The following IGDCC4 variants were observed in gnomAD, a reference collection of about 807,000 sequenced individuals.
IGDCC4 encodes the protein immunoglobulin superfamily DCC subclass member 4.
A neutral mutation model predicts 116.6 loss-of-function variants in IGDCC4; 72 were observed. The observed-to-expected ratio is 0.62, with a 90% CI of 0.51 to 0.75. IGDCC4 has a LOEUF of 0.75. IGDCC4 is among the 30% of genes least tolerant of loss of function. The pLI is 0.00. For missense variants in IGDCC4, 1,501 were observed against 1,662.4 expected, an observed-to-expected ratio of 0.90 and a Z score of 1.69; for synonymous variants, 709 against 719.9, an observed-to-expected ratio of 0.98 and a Z score of 0.24.
intron 5 of IGDCC4, among the ~76,000 whole-genome samples, chr15:65,397,437 C>T (rs1330215453): frequency 1.3e-5 from 2 of 152,204 alleles, no homozygotes; most frequent in Non-Finnish European, 2.9e-5. Flanking sequence ...TTAAAAAGCC[C>T]TTGCCTTGTA....
chr15:65,421,718 A>T (rs2063192679), intron 1 of IGDCC4, among the ~76,000 whole-genome samples: 1 of 122,884 alleles, frequency 8.1e-6, no homozygotes, highest in South Asian at 2.9e-4. Flanking sequence ...CCCCGGACAC[A>T]TCCTCAGCTC....
intron 8 of IGDCC4, among the ~76,000 whole-genome samples, 200 bp from the exon 9 acceptor site, chr15:65,394,748 A>T (rs1256388065): frequency 6.6e-6 from 1 of 152,102 alleles, no homozygotes; most frequent in African/African-American, 2.4e-5. Context: ...AGCTGGAAAA[A>T]GTCTTGGAGC....
chr15:65,385,065 G>T lies in IGDCC4; in HGVS notation c.3231C>A (p.Gly1077=), dbSNP rs1409617618. The T allele has an allele frequency of 6.2e-7, 1 of 1,603,140 alleles. No homozygotes were observed. The highest frequency in any genetic ancestry group is 1.7e-5 in the Admixed American group (1 of 57,966). The change falls in exon 19 of 20, where the codon GGC becomes GGA. Residue 1077 remains glycine, a synonymous_variant. Coordinates refer to ENST00000352385, the MANE Select transcript of IGDCC4 (RefSeq NM_020962.3). Reference sequence around the variant, plus strand: ...GGGGGCCTGCCTGGGGCAGCTCACAGCCTGCCCAGGAACCAGCCCAGCTCA... The same window carrying T: ...GGGGGCCTGCCTGGGGCAGCTCACATCCTGCCCAGGAACCAGCCCAGCTCA... ...SGLSWAGSWA[G]CELPQAGPRP... is the part of the protein sequence containing the mutation.
At position 65,385,855 on chromosome 15, in the gene IGDCC4, T is replaced by A; in HGVS notation, c.3156A>T (p.Glu1052Asp). ...CCTTTCTTTTGGAGTGACTCCGGCC[T>A]TCAGAAACACCGCCACCCATAAGGC... Reference protein sequence around the residue: ...VHSLMGGGVSEGRSHSKRKIS... With the variant: ...VHSLMGGGVSDGRSHSKRKIS... The change falls in exon 18 of 20, where the codon GAA becomes GAT. Residue 1052 changes from glutamate (E) to aspartate (D), a missense_variant. Glu to Asp is a conservative substitution (Grantham distance 45, BLOSUM62 2). Around this residue, in one of 3 missense-constraint regions of IGDCC4, gnomAD observed 368 missense variants for 355.6 expected, o/e 1.03. Coordinates refer to ENST00000352385, the MANE Select transcript of IGDCC4 (RefSeq NM_020962.3). 2 of 1,612,684 alleles carry A rather than the reference T, an allele frequency of 1.2e-6. No homozygotes were observed. Among genetic ancestry groups the A allele is most frequent in the Non-Finnish European group, 1.7e-6 (2 of 1,179,982 alleles).
intron 3 of IGDCC4, among the ~76,000 whole-genome samples, chr15:65,408,059 C>T (rs879397105): frequency 1.6e-4 from 25 of 152,272 alleles, no homozygotes; most frequent in African/African-American, 5.5e-4. Context: ...TGAGTCACCG[C>T]GCCCAGCCAT....
At chr15:65,412,937 C>CT (rs1251894286) in intron 1 of IGDCC4, among the ~76,000 whole-genome samples, 1 of 142,010 alleles carries the variant, frequency 7.0e-6, no homozygotes, top group Non-Finnish European at 1.5e-5. Context: ...CTCTCTCTCT[C>CT]TCTCTGTACA....
chr15:65,392,902 C>T (rs1003400151), intron 10 of IGDCC4, among the ~76,000 whole-genome samples: 4 of 152,112 alleles, frequency 2.6e-5, no homozygotes, highest in Non-Finnish European at 4.4e-5. Context: ...CTACAACCTT[C>T]GCTTTACAGA....
At chr15:65,395,446 A>T (rs759577130) in intron 7 of IGDCC4, among the ~76,000 whole-genome samples, 188 bp from the exon 8 acceptor site, 4 of 152,072 alleles carry the variant, frequency 2.6e-5, no homozygotes, top group Non-Finnish European at 5.9e-5. Context: ...TCCACTGGTT[A>T]GGGAGTGCTT....
chr15:65,400,676 A>G, intron 5 of IGDCC4, 130 bp downstream of exon 5: 2 of 1,144,788 alleles, frequency 1.7e-6, no homozygotes, highest in Non-Finnish European at 2.4e-6. Context: ...GCCCTGGGAA[A>G]GGAGTTCGTG....
intron 3 of IGDCC4, among the ~76,000 whole-genome samples, chr15:65,408,830 G>GTC (rs1288150097): frequency 2.8e-5 from 4 of 141,616 alleles, no homozygotes; most frequent in African/African-American, 5.3e-5. Flanking sequence ...TCAACAGGAT[G>GTC]TCTCTCTCTT....
intron 1 of IGDCC4, among the ~76,000 whole-genome samples, chr15:65,418,722 C>T (rs915939013): frequency 1.6e-4 from 24 of 152,192 alleles, no homozygotes; most frequent in Non-Finnish European, 5.9e-5. Context: ...ATGCTTACTC[C>T]TCCCCCTGCC....
intron 5 of IGDCC4, among the ~76,000 whole-genome samples, chr15:65,397,906 G>C (rs1460557317): frequency 2.0e-5 from 3 of 152,094 alleles, no homozygotes; most frequent in Non-Finnish European, 2.9e-5. Flanking sequence ...GCGGATAACT[G>C]GAAAGGACTT....
intron 2 of IGDCC4, chr15:65,410,665 T>C (rs1414093717): frequency 2.2e-6 from 1 of 456,490 alleles, no homozygotes; most frequent in African/African-American, 2.0e-5. Context: ...TGGCTCCACA[T>C]GTTCCACCTG....
chr15:65,420,158 G>A (rs1341342990), intron 1 of IGDCC4, among the ~76,000 whole-genome samples: 6 of 152,158 alleles, frequency 3.9e-5, no homozygotes, highest in African/African-American at 1.4e-4. Flanking sequence ...TGTTGGCCAG[G>A]CTGGTGTTGA....
At position 65,412,995 on chromosome 15, in the gene IGDCC4, C is replaced by G. The variant is rs78496779; in HGVS notation, c.71-1625G>C. 2.0e-3 allele frequency among the ~76,000 whole-genome samples: 297 copies of G among 149,876 alleles called. 1 individual carries two copies. Among genetic ancestry groups the G allele is most frequent in the Middle Eastern group, 6.8e-3 (2 of 292 alleles). On this transcript the variant is annotated intron_variant, in intron 1 of 19. Transcript: ENST00000352385. ...CTAGAAAAATACCATATCCAAGAAA[C>G]ATTTAAAATGTATTATAAGTGTGAG...
chr15:65,402,526 G>A (rs765480585), intron 3 of IGDCC4, 39 bp from the exon 4 acceptor site: 3 of 1,552,964 alleles, frequency 1.9e-6, no homozygotes, highest in East Asian at 4.7e-5. Flanking sequence ...AGGTGGGCAG[G>A]GGGGCCACAG....
At position 65,402,415 on chromosome 15, in the gene IGDCC4, G is replaced by C. The variant is rs147228049; in HGVS notation, c.636C>G (p.Cys212Trp). 1.3e-6 allele frequency: 2 copies of C among 1,568,864 alleles called. No homozygotes were observed. Among genetic ancestry groups the C allele is most frequent in the East Asian group, 2.3e-5 (1 of 42,872 alleles). The change falls in exon 4 of 20, where the codon TGC becomes TGG. Residue 212 changes from cysteine to tryptophan, a missense_variant. By Grantham distance (215) the Cys-to-Trp change is radical (BLOSUM62 -2). Transcript: ENST00000352385. ...GCTGGCGAGCTGAGTTGGTGGCCAC[G>C]CAGCGGTAGGGGCCTGCATCACTCT... ...VQESDAGPYR[C>W]VATNSARQHF...
intron 16 of IGDCC4, among the ~76,000 whole-genome samples, chr15:65,388,214 A>T (rs2091479529): frequency 6.6e-6 from 1 of 150,824 alleles, no homozygotes; most frequent in Non-Finnish European, 1.5e-5. Context: ...ATTGCACTCT[A>T]GCCTGGGCAA....
chr15:65,414,040 C>T (rs1595794708), intron 1 of IGDCC4, among the ~76,000 whole-genome samples: 1 of 152,346 alleles, frequency 6.6e-6, no homozygotes, highest in South Asian at 2.1e-4. Flanking sequence ...TAGCTCTGCA[C>T]TCCTAAACAC....
Sources: gnomAD v4.1 joint callset for allele counts (sites outside exome capture counted in the v4.1 genomes callset) on GRCh38, gnomAD v4.1.1 for gene constraint, gnomAD v4.1.1 regional missense constraint, MANE v1.5 for transcripts, NCBI Gene and HGNC (gene_info 2026-07-23, HGNC 2026-07-21) for gene names.